Variants in STK4 observed in about 807,000 individuals in gnomAD.
The protein encoded by STK4 is serine/threonine kinase 4.
In STK4, 30 loss-of-function variants were observed where a neutral mutation model predicts 64.9. The observed-to-expected ratio is 0.46, with a 90% CI of 0.35 to 0.63. The LOEUF is 0.63. STK4 is among the 20% of genes least tolerant of loss of function. The pLI is 0.01. For synonymous variants in STK4, 177 were observed against 199.0 expected (o/e 0.89, Z 0.93); for missense variants, 466 against 598.5 (o/e 0.78, Z 2.31).
chr20:44,966,929 G>T (rs575031696), intron 1 of STK4, among the ~76,000 whole-genome samples: 1 of 152,286 alleles, frequency 6.6e-6, no homozygotes, highest in Admixed American at 6.5e-5. Flanking sequence ...ACGGAGGTGG[G>T]GGCGAATGCT....
At chr20:44,995,313 A>G in intron 6 of STK4, 56 bp downstream of exon 6, 4 of 1,550,164 alleles carry the variant, frequency 2.6e-6, no homozygotes, top group South Asian at 1.2e-5. Flanking sequence ...ATCATTAAAA[A>G]GTGAAGTTCA....
At position 45,025,088 on chromosome 20, in the gene STK4, T is replaced by C. The variant is rs767425243; in HGVS notation, c.1263T>C (p.Asn421=). 1 of 1,613,134 alleles carries C rather than the reference T, an allele frequency of 6.2e-7. No individual in the cohort carries two copies. The highest frequency in any genetic ancestry group is 1.1e-5 in the South Asian group (1 of 90,898). The change falls in exon 10 of 11, where the codon AAT becomes AAC. Residue 421 remains asparagine, a synonymous_variant. Coordinates refer to ENST00000372806, the MANE Select transcript of STK4 (RefSeq NM_006282.5). ...FGKSVPGPLK[N]SSDWKIPQDG... is the part of the protein sequence containing the mutation. Reference sequence around the variant, plus strand: ...AGAGTGTACCTGGTCCACTGAAAAATTCTTCAGATTGGAAAATACCACAGG... The same window carrying C: ...AGAGTGTACCTGGTCCACTGAAAAACTCTTCAGATTGGAAAATACCACAGG...
intron 10 of STK4, among the ~76,000 whole-genome samples, chr20:45,031,502 A>G (rs949210490): frequency 2.0e-5 from 3 of 152,178 alleles, no homozygotes; most frequent in African/African-American, 2.4e-5. Flanking sequence ...TGCTGTTTAT[A>G]AGAGATGTAA....
chr20:45,046,398 G>GCA (rs1474771920), intron 10 of STK4, among the ~76,000 whole-genome samples: 1 of 151,098 alleles, frequency 6.6e-6, no homozygotes, highest in Non-Finnish European at 1.5e-5. Flanking sequence ...CTGTGGCACT[G>GCA]CACTGTAGCC....
At chr20:44,979,665 A>G (rs1456141097) in intron 3 of STK4, among the ~76,000 whole-genome samples, 11 of 152,098 alleles carry the variant, frequency 7.2e-5, no homozygotes, top group Admixed American at 7.2e-4. Context: ...TGTTTGCAAA[A>G]CTTCTACATT....
rs908628131 is a variant in STK4 at position 44,968,612 on chromosome 20, C to T, written c.35+2009C>T. ...TTCTTCTTGGTTTCTTTCTCCGAGG[C>T]CTTGGTTTAATTGAAAAGAGGATTA... On this transcript the variant is annotated intron_variant, in intron 1 of 10. Coordinates refer to ENST00000372806, the MANE Select transcript of STK4 (RefSeq NM_006282.5). 2.0e-5 allele frequency among the ~76,000 whole-genome samples: 3 copies of T among 152,178 alleles called. No homozygotes were observed. The South Asian group carries it at 6.2e-4, about 32-fold the overall frequency.
At chr20:45,034,980 A>G (rs2145407463) in intron 10 of STK4, among the ~76,000 whole-genome samples, 1 of 152,260 alleles carries the variant, frequency 6.6e-6, no homozygotes, top group South Asian at 2.1e-4. Flanking sequence ...ATACCTATGT[A>G]TGTATATGTG....
In STK4 at chr20:45,040,579, T is replaced by A. The variant is rs2068597252; in HGVS notation, c.1305+15449T>A. Among the ~76,000 whole-genome samples the A allele has an allele frequency of 3.3e-5, 5 of 152,060 alleles. No individual in the cohort carries two copies. In the South Asian group the frequency reaches 1.0e-3, roughly 32 times the overall value. ...CCTTGCTTTCTAGTATGATGAGATGTGAGATGTTCCAGGCTCATCTTGTCC... is the reference window on the plus strand; with the variant it reads ...CCTTGCTTTCTAGTATGATGAGATGAGAGATGTTCCAGGCTCATCTTGTCC... On this transcript the variant is annotated intron_variant, in intron 10 of 10. Transcript: ENST00000372806.
At chr20:45,037,836 C>T (rs1163971968) in intron 10 of STK4, among the ~76,000 whole-genome samples, 1 of 152,094 alleles carries the variant, frequency 6.6e-6, no homozygotes, top group Non-Finnish European at 1.5e-5. Flanking sequence ...TTGCTTTTGG[C>T]TGCACATGTT....
Position 45,075,313 on chromosome 20 carries a change from A to C in STK4, c.*137A>C. ...CTTTGTGAACTCAGGAATGTGCGCCAGTGGGAAGGGCTCTCTTGACAGTCA... is the reference window on the plus strand; with the variant it reads ...CTTTGTGAACTCAGGAATGTGCGCCCGTGGGAAGGGCTCTCTTGACAGTCA... On this transcript the variant is annotated 3_prime_UTR_variant, in exon 11 of 11. Transcript: ENST00000372806. 8.8e-7 allele frequency: 1 copy of C among 1,138,752 alleles called. No homozygotes were observed. The highest frequency in any genetic ancestry group is 1.2e-6 in the Non-Finnish European group (1 of 814,556). The allele number at this position is 1,138,752 out of a possible 1,614,324, so 70.5% of individuals were successfully genotyped here. A position where few individuals can be genotyped will look rare whatever the true frequency, so the allele number is the denominator to read the frequency against.
chr20:44,995,439 C>G (rs555171339), intron 6 of STK4, among the ~76,000 whole-genome samples, 182 bp downstream of exon 6: 1 of 152,070 alleles, frequency 6.6e-6, no homozygotes, highest in East Asian at 1.9e-4. Flanking sequence ...AACCTTGTCT[C>G]TACTAAAAAT....
chr20:45,039,533 A>G (rs917635187), intron 10 of STK4, among the ~76,000 whole-genome samples: 1 of 152,138 alleles, frequency 6.6e-6, no homozygotes, highest in Non-Finnish European at 1.5e-5. Context: ...TGTCTGCCAG[A>G]TACCCAAGTC....
chr20:45,075,440 A>G lies in STK4; in HGVS notation c.*264A>G. 1 of 315,314 alleles carries G rather than the reference A, an allele frequency of 3.2e-6. No individual in the cohort carries two copies. Among genetic ancestry groups the G allele is most frequent in the Non-Finnish European group, 5.9e-6 (1 of 169,830 alleles). 19.5% of individuals were successfully genotyped at this position (315,314 alleles called of 1,614,324 possible). On this transcript the variant is annotated 3_prime_UTR_variant, in exon 11 of 11. Coordinates refer to ENST00000372806, the MANE Select transcript of STK4 (RefSeq NM_006282.5). Reference sequence around the variant, plus strand: ...AGAGTTTTAAACCCCAGGAACAGAGACTCCTAGTTGAGTGATAGCTGGGAA... The same window carrying G: ...AGAGTTTTAAACCCCAGGAACAGAGGCTCCTAGTTGAGTGATAGCTGGGAA...
intron 10 of STK4, among the ~76,000 whole-genome samples, chr20:45,054,577 T>TAA (rs1568758959): frequency 8.0e-6 from 1 of 125,524 alleles, no homozygotes. Flanking sequence ...TTTTTTTTTT[T>TAA]CAAAAAAAAA....
At chr20:45,069,324 A>G (rs193078408) in intron 10 of STK4, among the ~76,000 whole-genome samples, 35 of 152,214 alleles carry the variant, frequency 2.3e-4, no homozygotes, top group African/African-American at 7.7e-4. Flanking sequence ...AGCAAAACCC[A>G]CCTTCAGTAG....
At chr20:45,068,224 C>T (rs1979752737) in intron 10 of STK4, among the ~76,000 whole-genome samples, 1 of 152,216 alleles carries the variant, frequency 6.6e-6, no homozygotes, top group Admixed American at 6.5e-5. Context: ...AGAACCCGGT[C>T]CATCTGACTT....
intron 9 of STK4, among the ~76,000 whole-genome samples, chr20:45,013,599 G>A (rs1278070194): frequency 6.6e-6 from 1 of 152,164 alleles, no homozygotes; most frequent in Non-Finnish European, 1.5e-5. Context: ...AATTGTGGTT[G>A]AAGAGTGTGG....
At chr20:45,023,451 C>A (rs2068284819) in intron 9 of STK4, among the ~76,000 whole-genome samples, 2 of 152,150 alleles carry the variant, frequency 1.3e-5, no homozygotes, top group African/African-American at 4.8e-5. Context: ...TCTTTATCTT[C>A]TAGATACCTT....
At chr20:45,033,022 G>T (rs995170480) in intron 10 of STK4, among the ~76,000 whole-genome samples, 1 of 152,150 alleles carries the variant, frequency 6.6e-6, no homozygotes, top group African/African-American at 2.4e-5. Context: ...CTAATGGTTA[G>T]TGATGTTGAG....
Sources: gnomAD v4.1 joint callset for allele counts (sites outside exome capture counted in the v4.1 genomes callset) on GRCh38, gnomAD v4.1.1 for gene constraint, MANE v1.5 for transcripts, NCBI Gene and HGNC (gene_info 2026-07-23, HGNC 2026-07-21) for gene names.